LRRTM3: variants seen among roughly 807,000 people sequenced by gnomAD.
LRRTM3 encodes leucine rich repeat transmembrane neuronal 3, also known as leucine-rich repeat transmembrane neuronal protein 3.
LRRTM3 carries 24 observed loss-of-function variants against 44.7 expected under a neutral mutation model. The observed-to-expected ratio is 0.54, with a 90% CI of 0.39 to 0.76. The LOEUF is 0.76. Among genes scored for constraint, LRRTM3 ranks in the 30% least tolerant of loss-of-function variants. The pLI is 0.00. For missense variants in LRRTM3, 587 were observed against 702.2 expected, an observed-to-expected ratio of 0.84 and a Z score of 1.85; for synonymous variants, 277 against 278.7, an observed-to-expected ratio of 0.99 and a Z score of 0.06.
intron 2 of LRRTM3, among the ~76,000 whole-genome samples, chr10:66,964,021 AT>A (rs369835729): frequency 2.7e-5 from 4 of 149,134 alleles, no homozygotes; most frequent in Non-Finnish European, 3.0e-5. Context: ...TAATTTTCGT[AT>A]TTTTTTTTCA....
chr10:66,971,298 A>C (rs113552695), intron 2 of LRRTM3, among the ~76,000 whole-genome samples: 34,783 of 151,872 alleles, frequency 0.23, 4,515 homozygotes, highest in Middle Eastern at 0.3. Context: ...TGGTTGTGTG[A>C]GCCTGTAATT....
chr10:67,096,216 T>C (rs76693607), intron 2 of LRRTM3, among the ~76,000 whole-genome samples: 2 of 151,846 alleles, frequency 1.3e-5, no homozygotes, highest in African/African-American at 4.8e-5. Flanking sequence ...TTTATTTTTT[T>C]GATTACTTTT....
chr10:66,940,916 C>T (rs1006709432), intron 2 of LRRTM3, among the ~76,000 whole-genome samples: 1 of 152,118 alleles, frequency 6.6e-6, no homozygotes, highest in Non-Finnish European at 1.5e-5. Context: ...CAGTATGCAG[C>T]CTGCAGTAAC....
At chr10:67,025,582 G>T (rs561089608) in intron 2 of LRRTM3, among the ~76,000 whole-genome samples, 2 of 151,960 alleles carry the variant, frequency 1.3e-5, no homozygotes, top group African/African-American at 4.8e-5. Context: ...AGAATAGCTC[G>T]GTTTCTGACT....
intron 2 of LRRTM3, among the ~76,000 whole-genome samples, chr10:67,050,930 A>G (rs542566261): frequency 2.0e-5 from 3 of 152,210 alleles, no homozygotes; most frequent in Non-Finnish European, 2.9e-5. Flanking sequence ...CACAAATCAC[A>G]TTATTTGCAG....
At chr10:67,074,738 A>G (rs2057072266) in intron 2 of LRRTM3, among the ~76,000 whole-genome samples, 1 of 152,174 alleles carries the variant, frequency 6.6e-6, no homozygotes, top group East Asian at 1.9e-4. Context: ...ATCTGTGTAG[A>G]TTCTGTCTTA....
chr10:67,062,256 G>C (rs1855801457), intron 2 of LRRTM3, among the ~76,000 whole-genome samples: 1 of 152,068 alleles, frequency 6.6e-6, no homozygotes, highest in African/African-American at 2.4e-5. Context: ...GTGATCAAAA[G>C]CCCATATTCT....
intron 2 of LRRTM3, among the ~76,000 whole-genome samples, chr10:67,056,357 T>C (rs1855429473): frequency 6.6e-6 from 1 of 152,170 alleles, no homozygotes; most frequent in Non-Finnish European, 1.5e-5. Flanking sequence ...AATTGGTCAT[T>C]GTTAGTCTTC....
chr10:67,057,031 A>C (rs139151611), intron 2 of LRRTM3, among the ~76,000 whole-genome samples: 1 of 152,200 alleles, frequency 6.6e-6, no homozygotes, highest in African/African-American at 2.4e-5. Context: ...TAAGCACTAC[A>C]TCAGCAATTC....
intron 2 of LRRTM3, among the ~76,000 whole-genome samples, chr10:66,979,624 A>G (rs943546962): frequency 2.6e-5 from 4 of 152,174 alleles, no homozygotes; most frequent in Non-Finnish European, 2.9e-5. Flanking sequence ...CATCAGTAAA[A>G]TGGGGAGTAT....
At chr10:67,074,856 T>C (rs575249767) in intron 2 of LRRTM3, among the ~76,000 whole-genome samples, 239 of 152,350 alleles carry the variant, frequency 1.6e-3, no homozygotes, top group Middle Eastern at 3.4e-3. Context: ...AATTCATTTA[T>C]GTATGAAAAG....
chr10:66,938,206 T>C (rs892628220), intron 2 of LRRTM3, among the ~76,000 whole-genome samples: 3 of 152,136 alleles, frequency 2.0e-5, no homozygotes, highest in African/African-American at 7.2e-5. Flanking sequence ...TTTCACTATG[T>C]ACACTCTTCT....
intron 2 of LRRTM3, among the ~76,000 whole-genome samples, chr10:67,063,277 T>C (rs1038456102): frequency 3.3e-5 from 5 of 152,176 alleles, no homozygotes; most frequent in African/African-American, 1.2e-4. Context: ...TTTTAAAAGA[T>C]GTATTAGTTC....
chr10:66,931,532 T>C (rs1847393125), intron 2 of LRRTM3, among the ~76,000 whole-genome samples: 1 of 152,224 alleles, frequency 6.6e-6, no homozygotes, highest in Non-Finnish European at 1.5e-5. Flanking sequence ...AAATTGTCTT[T>C]CTATGGAGCA....
At chr10:66,973,687 G>A (rs1589524055) in intron 2 of LRRTM3, among the ~76,000 whole-genome samples, 1 of 151,998 alleles carries the variant, frequency 6.6e-6, no homozygotes, top group African/African-American at 2.4e-5. Context: ...ACAGTGGTGC[G>A]ATCTCGGCTC....
rs563355816 is a variant in LRRTM3 at position 66,928,238 on chromosome 10, C to T, written c.1322C>T (p.Ser441Leu). Reference sequence around the variant, plus strand: ...GTCATCCTGCTGGTTATCTACGTGTCATGGAAGCGGTACCCTGCGAGCATG... The same window carrying T: ...GTCATCCTGCTGGTTATCTACGTGTTATGGAAGCGGTACCCTGCGAGCATG... ...VLVILLVIYVSWKRYPASMKQ... is the reference protein window; with the variant it reads ...VLVILLVIYVLWKRYPASMKQ... Residue 441 changes from serine to leucine, a missense_variant, in exon 2 of 3, where the codon TCA (serine) becomes TTA (leucine). Ser to Leu is a moderately radical substitution (Grantham distance 145). Coordinates refer to ENST00000361320, the MANE Select transcript of LRRTM3 (RefSeq NM_178011.5). The T allele has an allele frequency of 6.2e-7, 1 of 1,614,160 alleles. No homozygotes were observed. Among genetic ancestry groups the T allele is most frequent in the Admixed American group, 1.7e-5 (1 of 60,024 alleles).
chr10:66,927,744 T>G lies in LRRTM3; in HGVS notation c.828T>G (p.Cys276Trp), dbSNP rs768176716. 1 of 1,614,062 alleles carries G rather than the reference T, an allele frequency of 6.2e-7. No individual in the cohort carries two copies. The highest frequency in any genetic ancestry group is 8.5e-7 in the Non-Finnish European group (1 of 1,180,030). ...TCAGTGGACCCAGTGTTTTCCAGTG[T>G]GTCCCGAATCTGCAGCGCCTCAACC... ...EAFSGPSVFQCVPNLQRLNLD... is the reference protein window; with the variant it reads ...EAFSGPSVFQWVPNLQRLNLD... Residue 276 changes from cysteine to tryptophan, a missense_variant, in exon 2 of 3, where the codon TGT becomes TGG. Transcript: ENST00000361320. This position sits in a 1 kb window ranked among gnomAD's most constrained non-coding sequence, Gnocchi z 4.7.
intron 2 of LRRTM3, among the ~76,000 whole-genome samples, chr10:67,001,908 ACCAGG>A (rs781207789): frequency 2.2e-4 from 33 of 152,172 alleles, no homozygotes; most frequent in Middle Eastern, 3.2e-3. Flanking sequence ...ATTTGCTACA[ACCAGG>A]CATTTCTCTT....
chr10:66,975,519 G>A (rs1849978559), intron 2 of LRRTM3, among the ~76,000 whole-genome samples: 1 of 152,146 alleles, frequency 6.6e-6, no homozygotes, highest in Non-Finnish European at 1.5e-5. Flanking sequence ...TATTTGGCTG[G>A]ATATTGCAAA....
Sources: gnomAD v4.1 joint callset for allele counts (sites outside exome capture counted in the v4.1 genomes callset) on GRCh38, gnomAD v4.1.1 for gene constraint, Gnocchi (gnomAD v3.1) non-coding constraint, MANE v1.5 for transcripts, NCBI Gene and HGNC (gene_info 2026-07-23, HGNC 2026-07-21) for gene names.